AEBP2: variants seen among roughly 807,000 people sequenced by gnomAD.
AEBP2 encodes zinc finger protein AEBP2.
AEBP2 carries 10 observed loss-of-function variants against 50.8 expected under a neutral mutation model. The ratio of observed to expected loss-of-function variants is 0.20; its 90% CI spans 0.12 to 0.33. AEBP2 has a LOEUF of 0.33. Ranked by LOEUF, AEBP2 falls within the 10% of genes least tolerant of loss-of-function variation. The pLI, the probability that AEBP2 is intolerant of heterozygous loss-of-function variation, is 1.00. For missense variants in AEBP2, 570 were observed against 688.0 expected (o/e 0.83, Z 1.92); for synonymous variants, 296 against 261.3 (o/e 1.13, Z -1.28).
At position 19,494,358 on chromosome 12, in the gene AEBP2, G is replaced by A. The variant is rs111468603; in HGVS notation, c.1174+372G>A. On this transcript the variant is annotated intron_variant, in intron 4 of 7. Transcript: ENST00000266508. ...ACTCCAAAGTAGTGTGTGTACCTGA[G>A]CTGGGAGGTAGAGGCTGCAGTGAGC... 2.6e-5 allele frequency among the ~76,000 whole-genome samples: 4 copies of A among 152,196 alleles called. 1 individual carries two copies. Among genetic ancestry groups the A allele is most frequent in the African/African-American group, 9.6e-5 (4 of 41,532 alleles).
intron 1 of AEBP2, among the ~76,000 whole-genome samples, chr12:19,412,499 C>T (rs1343518121): frequency 2.6e-5 from 4 of 152,040 alleles, no homozygotes; most frequent in South Asian, 2.1e-4. Flanking sequence ...AGGATGGTCT[C>T]GATGTCTTGA....
intron 5 of AEBP2, among the ~76,000 whole-genome samples, chr12:19,508,049 C>G (rs1949177309): frequency 6.6e-6 from 1 of 152,088 alleles, no homozygotes; most frequent in Non-Finnish European, 1.5e-5. Flanking sequence ...AGTTACCAAT[C>G]AGTTGGCTTG....
intron 1 of AEBP2, chr12:19,457,138 C>G (rs1464024370): frequency 9.4e-6 from 15 of 1,598,262 alleles, no homozygotes; most frequent in Non-Finnish European, 1.3e-5. Flanking sequence ...TTCCTCATAT[C>G]TCTTCTGGCT....
At chr12:19,415,013 A>C (rs2095741461) in intron 1 of AEBP2, among the ~76,000 whole-genome samples, 1 of 151,230 alleles carries the variant, frequency 6.6e-6, no homozygotes, top group Non-Finnish European at 1.5e-5. Context: ...TTGTCTCTGT[A>C]CTTTTCTATC....
At chr12:19,501,799 T>TTTTTTTTG (rs1698569790) in intron 5 of AEBP2, among the ~76,000 whole-genome samples, 1 of 75,104 alleles carries the variant, frequency 1.3e-5, no homozygotes, top group Admixed American at 1.4e-4. Context: ...ATGAGTTTGT[T>TTTTTTTTG]TTTTTTTTTT....
intron 2 of AEBP2, among the ~76,000 whole-genome samples, chr12:19,468,746 A>G (rs1301034948): frequency 6.6e-6 from 1 of 152,186 alleles, no homozygotes; most frequent in Non-Finnish European, 1.5e-5. Context: ...CTAGGTTTGT[A>G]CCATTCTTAT....
At chr12:19,482,355 A>G (rs1948742828) in intron 3 of AEBP2, among the ~76,000 whole-genome samples, 2 of 152,180 alleles carry the variant, frequency 1.3e-5, no homozygotes, top group Non-Finnish European at 2.9e-5. Flanking sequence ...GGTTGTAGAT[A>G]TGTTGAGTGT....
In AEBP2 at chr12:19,457,207, A is replaced by G. The variant is rs200659814; in HGVS notation, c.672-5303A>G. On this transcript the variant is annotated intron_variant, in intron 1 of 7. Coordinates refer to ENST00000266508, the MANE Select transcript of AEBP2 (RefSeq NM_153207.5). ...ACCGACAATTAGTTGTTTCACACCC[A>G]GTGTGTAAGCCAAAAGGGCATGCTC... 3,784 of 1,598,140 alleles carry G rather than the reference A, an allele frequency of 2.4e-3. 6 individuals carry two copies. The highest frequency in any genetic ancestry group is 2.7e-3 in the Non-Finnish European group (3,144 of 1,179,740).
chr12:19,490,855 A>G (rs1362518003), intron 3 of AEBP2, among the ~76,000 whole-genome samples: 1 of 152,216 alleles, frequency 6.6e-6, no homozygotes, highest in Non-Finnish European at 1.5e-5. Flanking sequence ...GATGATTTTA[A>G]TAAAAAAATG....
chr12:19,457,061 G>T, intron 1 of AEBP2: 3 of 1,607,378 alleles, frequency 1.9e-6, no homozygotes, highest in Non-Finnish European at 1.7e-6. Context: ...CCAGAAATTG[G>T]CACAAATGCT....
upstream of AEBP2, among the ~76,000 whole-genome samples, chr12:19,435,948 C>A (rs756856459): frequency 4.6e-5 from 7 of 152,102 alleles, no homozygotes; most frequent in Admixed American, 1.3e-4. Context: ...CGAACCACAG[C>A]GACTCGCATC....
chr12:19,487,165 AAT>A (rs1240974384), intron 3 of AEBP2, among the ~76,000 whole-genome samples: 2 of 152,134 alleles, frequency 1.3e-5, no homozygotes, highest in African/African-American at 4.8e-5. Flanking sequence ...AGAAATTTTG[AAT>A]ATGTCTTGTG....
At chr12:19,485,203 T>G (rs553864687) in intron 3 of AEBP2, among the ~76,000 whole-genome samples, 89 of 152,218 alleles carry the variant, frequency 5.8e-4, no homozygotes, top group Admixed American at 1.8e-3. Context: ...TGTTTTGTGT[T>G]TTTTGTTTTT....
chr12:19,436,360 A>C (rs1232388764), upstream of AEBP2, among the ~76,000 whole-genome samples: 1 of 152,108 alleles, frequency 6.6e-6, no homozygotes, highest in Non-Finnish European at 1.5e-5. Flanking sequence ...GCGTATAATC[A>C]GGAGATGACC....
chr12:19,468,693 G>A (rs1948525566), intron 2 of AEBP2, among the ~76,000 whole-genome samples: 1 of 152,174 alleles, frequency 6.6e-6, no homozygotes, highest in Admixed American at 6.5e-5. Flanking sequence ...ACTGGTTCAA[G>A]GATATTGACC....
intron 1 of AEBP2, chr12:19,413,454 T>C (rs1257252357): frequency 1.2e-5 from 13 of 1,097,328 alleles, no homozygotes; most frequent in Non-Finnish European, 1.7e-5. Flanking sequence ...AAGAAGACGA[T>C]TATTGAACTA....
At chr12:19,489,551 G>A (rs1433379049) in intron 3 of AEBP2, among the ~76,000 whole-genome samples, 2 of 152,116 alleles carry the variant, frequency 1.3e-5, no homozygotes, top group African/African-American at 4.8e-5. Context: ...CATTGAAATC[G>A]GTTTCTTTTT....
intron 3 of AEBP2, among the ~76,000 whole-genome samples, chr12:19,490,538 G>A (rs1209431087): frequency 2.0e-5 from 3 of 151,804 alleles, no homozygotes; most frequent in African/African-American, 4.8e-5. Context: ...CACCATGCCC[G>A]GCTAATTTTT....
chr12:19,499,240 C>A (rs377150939), intron 4 of AEBP2, among the ~76,000 whole-genome samples: 2 of 152,116 alleles, frequency 1.3e-5, no homozygotes, highest in Non-Finnish European at 2.9e-5. Flanking sequence ...GTGGACTGAT[C>A]GGCGTCCAAA....
Sources: allele counts gnomAD v4.1 joint callset (sites outside exome capture counted in the v4.1 genomes callset), GRCh38; gene constraint gnomAD v4.1.1; transcripts MANE v1.5; gene names NCBI Gene and HGNC (gene_info 2026-07-23, HGNC 2026-07-21).